Variants in SLC9A1 observed in about 807,000 individuals in gnomAD.
The protein encoded by SLC9A1 is sodium/hydrogen exchanger 1.
SLC9A1 carries 22 observed loss-of-function variants against 67.9 expected under a neutral mutation model. That is an observed-to-expected ratio of 0.32 (90% confidence interval 0.23 to 0.46). The LOEUF is 0.46. SLC9A1 is among the 20% of genes least tolerant of loss of function. SLC9A1 has a pLI of 1.00. For missense variants in SLC9A1, 686 were observed against 1,094.8 expected, an observed-to-expected ratio of 0.63 and a Z score of 5.27; for synonymous variants, 421 against 471.8, an observed-to-expected ratio of 0.89 and a Z score of 1.40.
Position 27,101,046 on chromosome 1 carries a change from C to G in SLC9A1, c.2110+157G>C, listed in dbSNP as rs747523057. ...ACGTCTCTCTCCCTAGGGATGGCCC[C>G]TGACGTAGAAGCAGCTCATGGCTTG... On this transcript the variant is annotated intron_variant, in intron 11 of 11. Transcript: ENST00000263980. This position sits in a 1 kb window ranked among gnomAD's most constrained non-coding sequence, Gnocchi z 4.9. Among the ~76,000 whole-genome samples, 1 of 152,224 alleles carries G rather than the reference C, an allele frequency of 6.6e-6. No homozygotes were observed. Among genetic ancestry groups the G allele is most frequent in the Non-Finnish European group, 1.5e-5 (1 of 68,030 alleles).
intron 1 of SLC9A1, among the ~76,000 whole-genome samples, chr1:27,138,037 G>A (rs1187101754): frequency 1.3e-5 from 2 of 152,208 alleles, no homozygotes; most frequent in Non-Finnish European, 2.9e-5. Flanking sequence ...GGCCAGCCCA[G>A]GGCCTGAGCC....
chr1:27,111,157 G>A (rs1333205254), intron 2 of SLC9A1, among the ~76,000 whole-genome samples: 1 of 152,116 alleles, frequency 6.6e-6, no homozygotes, highest in African/African-American at 2.4e-5. Flanking sequence ...GATAGGACAG[G>A]GCTCCAGCGG....
intron 1 of SLC9A1, among the ~76,000 whole-genome samples, chr1:27,130,875 C>T (rs1005969077): frequency 5.3e-5 from 8 of 152,228 alleles, no homozygotes; most frequent in Admixed American, 1.3e-4. Context: ...GGTTCTAGAG[C>T]CCACTGGTGA....
At chr1:27,142,294 G>C (rs1166335607) in intron 1 of SLC9A1, among the ~76,000 whole-genome samples, 1 of 152,220 alleles carries the variant, frequency 6.6e-6, no homozygotes, top group Non-Finnish European at 1.5e-5. Context: ...GTGGCCTGGG[G>C]CCAATCCTCT....
chr1:27,131,948 ATATATATATATAT>A (rs1275315680), intron 1 of SLC9A1, among the ~76,000 whole-genome samples: 2 of 91,450 alleles, frequency 2.2e-5, no homozygotes, highest in African/African-American at 9.8e-5. Context: ...GAAAAAAAAA[ATATATATATATAT>A]ATATATATAT....
At chr1:27,111,667 G>A (rs2083229267) in intron 2 of SLC9A1, among the ~76,000 whole-genome samples, 1 of 152,088 alleles carries the variant, frequency 6.6e-6, no homozygotes, top group African/African-American at 2.4e-5. Flanking sequence ...TAAATTAGCT[G>A]GGTGTGATGG....
rs186063214 is a variant in SLC9A1 at position 27,123,803 on chromosome 1, G to A, written c.353-9517C>T. On this transcript the variant is annotated intron_variant, in intron 1 of 11. Coordinates refer to ENST00000263980, the MANE Select transcript of SLC9A1 (RefSeq NM_003047.5). ...TGGGATTACAGGCGTGAGCCACCGCGCCCAGCCCTTTTATTGGGCTTTAAA... is the reference window on the plus strand; with the variant it reads ...TGGGATTACAGGCGTGAGCCACCGCACCCAGCCCTTTTATTGGGCTTTAAA... Among the ~76,000 whole-genome samples, 643 of 151,522 alleles carry A rather than the reference G, an allele frequency of 4.2e-3. 4 individuals are homozygous for A. Among genetic ancestry groups the A allele is most frequent in the African/African-American group, 0.015 (606 of 41,286 alleles).
chr1:27,105,580 G>A, intron 5 of SLC9A1: 1 of 641,032 alleles, frequency 1.6e-6, no homozygotes, highest in Non-Finnish European at 2.9e-6. Flanking sequence ...TACAGGCGTT[G>A]AGTCACCGTG....
chr1:27,140,315 G>C (rs906855733), intron 1 of SLC9A1, among the ~76,000 whole-genome samples: 1 of 152,048 alleles, frequency 6.6e-6, no homozygotes, highest in African/African-American at 2.4e-5. Context: ...TTATCAGCAC[G>C]AATCCATTTG....
In SLC9A1 at chr1:27,113,044, C is replaced by T. The variant is rs367626492; in HGVS notation, c.813+782G>A. On this transcript the variant is annotated intron_variant, in intron 2 of 11. Transcript: ENST00000263980. ...CTCCGCCCAAAAACTGTGCACAAAC[C>T]GAATTCTAACTTAAGATATAGCCAA... Among the ~76,000 whole-genome samples, 18 of 152,106 alleles carry T rather than the reference C, an allele frequency of 1.2e-4. No homozygotes were observed. In the East Asian group the frequency reaches 2.7e-3, roughly 23 times the overall value.
At chr1:27,104,921 C>T (rs188272809) in intron 5 of SLC9A1, among the ~76,000 whole-genome samples, 21 of 152,320 alleles carry the variant, frequency 1.4e-4, no homozygotes, top group African/African-American at 4.1e-4. Flanking sequence ...GCTGGGCTTC[C>T]TTGGGGACCT....
At chr1:27,145,816 T>C (rs138160671) in intron 1 of SLC9A1, among the ~76,000 whole-genome samples, 6 of 152,262 alleles carry the variant, frequency 3.9e-5, no homozygotes, top group African/African-American at 9.6e-5. Flanking sequence ...TCTGGCCTAA[T>C]AGACCCCAAA....
chr1:27,112,756 C>T (rs1460375139), intron 2 of SLC9A1, among the ~76,000 whole-genome samples: 4 of 151,894 alleles, frequency 2.6e-5, no homozygotes, highest in Non-Finnish European at 5.9e-5. Context: ...TGGTGACACA[C>T]GCCTGTAATC....
chr1:27,149,598 C>A lies in SLC9A1; in HGVS notation c.352+4385G>T, dbSNP rs1052383687. Among the ~76,000 whole-genome samples, 14 of 152,094 alleles carry A rather than the reference C, an allele frequency of 9.2e-5. 1 individual carries two copies. The highest frequency in any genetic ancestry group is 3.4e-4 in the African/African-American group (14 of 41,416). The stretch of plus-strand genomic sequence containing the variant: ...AAGTGACTGCTGTGGGCTGGGAAGA[C>A]CTCCCAAAAGGGGAAGAATCTGCAC... On this transcript the variant is annotated intron_variant, in intron 1 of 11. Transcript: ENST00000263980.
At chr1:27,123,103 C>A (rs2083316181) in intron 1 of SLC9A1, among the ~76,000 whole-genome samples, 1 of 152,088 alleles carries the variant, frequency 6.6e-6, no homozygotes, top group African/African-American at 2.4e-5. Context: ...GGTAGGTGAC[C>A]ATATGATACA....
chr1:27,102,646 T>C (rs368539686), intron 7 of SLC9A1, 27 bp downstream of exon 7: 60 of 1,613,140 alleles, frequency 3.7e-5, no homozygotes, highest in Non-Finnish European at 4.8e-5. Flanking sequence ...TGCCCCTCCC[T>C]GCCTGCCCAC....
intron 1 of SLC9A1, among the ~76,000 whole-genome samples, chr1:27,150,698 C>T (rs2083520614): frequency 6.6e-6 from 1 of 152,112 alleles, no homozygotes. Context: ...GGTGACTTAC[C>T]TAATGTCACC....
In SLC9A1 at chr1:27,101,326, C is replaced by A. The variant is rs1473931099; in HGVS notation, c.2038-51G>T. ...GCACAGGCAGCTGGGCAGAGGGAGC[C>A]CCTCAGGACAGAACCCGGCCAGTGC... On this transcript the variant is annotated intron_variant, in intron 10 of 11. Coordinates refer to ENST00000263980, the MANE Select transcript of SLC9A1 (RefSeq NM_003047.5). The surrounding 1 kb of genome is among the most constrained non-coding windows in gnomAD (Gnocchi z 4.9). 1.4e-6 allele frequency: 2 copies of A among 1,472,968 alleles called. No homozygotes were observed. Among genetic ancestry groups the A allele is most frequent in the African/African-American group, 2.8e-5 (2 of 72,098 alleles). 91.2% of individuals were successfully genotyped at this position (1,472,968 alleles called of 1,614,324 possible). A position where few individuals can be genotyped will look rare whatever the true frequency, so the allele number is the denominator to read the frequency against.
chr1:27,129,476 G>A (rs577457998), intron 1 of SLC9A1, among the ~76,000 whole-genome samples: 2 of 152,320 alleles, frequency 1.3e-5, no homozygotes, highest in Admixed American at 1.3e-4. Flanking sequence ...ACGGCCAGCT[G>A]CAGGGCTTGG....
Sources: gnomAD v4.1 joint callset for allele counts (sites outside exome capture counted in the v4.1 genomes callset) on GRCh38, gnomAD v4.1.1 for gene constraint, Gnocchi (gnomAD v3.1) non-coding constraint, MANE v1.5 for transcripts, NCBI Gene and HGNC (gene_info 2026-07-23, HGNC 2026-07-21) for gene names.